Variants in ATG5 observed in about 807,000 individuals in gnomAD.
ATG5 encodes the protein autophagy related 5, also known as autophagy protein 5.
A neutral mutation model predicts 36.5 loss-of-function variants in ATG5; 14 were observed. The observed-to-expected ratio is 0.38, with a 90% confidence interval of 0.25 to 0.60. The LOEUF (loss-of-function observed/expected upper bound fraction) is 0.60. Among genes scored for constraint, ATG5 ranks in the 20% least tolerant of loss-of-function variants. ATG5 has a pLI of 0.60. For synonymous variants in ATG5, 95 were observed against 101.5 expected, an observed-to-expected ratio of 0.94 and a Z score of 0.38; for missense variants, 195 against 326.7, an observed-to-expected ratio of 0.60 and a Z score of 3.11.
intron 6 of ATG5, among the ~76,000 whole-genome samples, chr6:106,246,384 TCTCTCTCTCACACA>T (rs1778335302): frequency 1.0e-5 from 1 of 96,904 alleles, no homozygotes; most frequent in Admixed American, 1.3e-4. Flanking sequence ...TCTCTCTCTC[TCTCTCTCTCACACA>T]CACACACACA....
At chr6:106,229,547 A>T (rs981990200) in intron 6 of ATG5, among the ~76,000 whole-genome samples, 1 of 150,800 alleles carries the variant, frequency 6.6e-6, no homozygotes, top group Non-Finnish European at 1.5e-5. Flanking sequence ...AGAAAGACAA[A>T]GATAGAAATA....
intron 4 of ATG5, among the ~76,000 whole-genome samples, chr6:106,288,145 A>G (rs529022100): frequency 1.3e-4 from 19 of 151,758 alleles, no homozygotes; most frequent in African/African-American, 4.1e-4. Context: ...TAATTTTTGT[A>G]TTTTTAGTAG....
intron 2 of ATG5, among the ~76,000 whole-genome samples, chr6:106,313,570 T>C (rs1265177127): frequency 6.6e-6 from 1 of 152,104 alleles, no homozygotes. Flanking sequence ...AAAATACAAA[T>C]TGAAAAGTTA....
intron 5 of ATG5, among the ~76,000 whole-genome samples, chr6:106,271,228 C>G (rs1286073125): frequency 6.6e-6 from 1 of 152,220 alleles, no homozygotes; most frequent in Non-Finnish European, 1.5e-5. Context: ...ACATGCTTAT[C>G]TTCTTTTGAC....
At chr6:106,267,697 C>A (rs756123249) in intron 5 of ATG5, among the ~76,000 whole-genome samples, 10 of 152,172 alleles carry the variant, frequency 6.6e-5, no homozygotes, top group Non-Finnish European at 1.5e-4. Flanking sequence ...AAATCTACAA[C>A]CATCTGATCT....
intron 6 of ATG5, among the ~76,000 whole-genome samples, chr6:106,215,762 T>G (rs1228216243): frequency 6.6e-6 from 1 of 152,122 alleles, no homozygotes; most frequent in East Asian, 1.9e-4. Context: ...ACAGACAAAC[T>G]GGACTTCATC....
intron 5 of ATG5, among the ~76,000 whole-genome samples, chr6:106,267,570 T>C (rs74525730): frequency 0.11 from 17,449 of 152,172 alleles, 1,093 homozygotes; most frequent in African/African-American, 0.16. Context: ...GGAGGCATCA[T>C]GCTACCTGAC....
intron 5 of ATG5, among the ~76,000 whole-genome samples, chr6:106,266,433 C>A (rs2114566561): frequency 6.6e-6 from 1 of 152,220 alleles, no homozygotes; most frequent in Admixed American, 6.5e-5. Flanking sequence ...GGAACTGGTA[C>A]CACCATTCCT....
At chr6:106,241,641 T>C (rs1778127293) in intron 6 of ATG5, among the ~76,000 whole-genome samples, 1 of 152,202 alleles carries the variant, frequency 6.6e-6, no homozygotes, top group African/African-American at 2.4e-5. Context: ...AACATTTAAA[T>C]TGGTGGATTC....
At chr6:106,233,318 G>C (rs1777761310) in intron 6 of ATG5, among the ~76,000 whole-genome samples, 1 of 152,160 alleles carries the variant, frequency 6.6e-6, no homozygotes, top group Non-Finnish European at 1.5e-5. Context: ...TCCCAGGTAC[G>C]GCGAAATAGC....
At chr6:106,312,444 T>C (rs746331136) in intron 2 of ATG5, among the ~76,000 whole-genome samples, 16 of 151,596 alleles carry the variant, frequency 1.1e-4, no homozygotes, top group Non-Finnish European at 5.9e-5. Flanking sequence ...GACAAATATA[T>C]AGGTTTGGAG....
At chr6:106,195,930 G>A (rs1213078715) in intron 7 of ATG5, among the ~76,000 whole-genome samples, 1 of 151,760 alleles carries the variant, frequency 6.6e-6, no homozygotes, top group Non-Finnish European at 1.5e-5. Flanking sequence ...TAAAAGAACA[G>A]CTTCACAAAT....
intron 6 of ATG5, among the ~76,000 whole-genome samples, chr6:106,217,866 C>G (rs1003554236): frequency 1.3e-5 from 2 of 151,942 alleles, no homozygotes; most frequent in South Asian, 4.2e-4. Context: ...TGATACATCC[C>G]AACAGTATTT....
chr6:106,220,030 T>C (rs554961138), intron 6 of ATG5, among the ~76,000 whole-genome samples: 1 of 152,096 alleles, frequency 6.6e-6, no homozygotes, highest in African/African-American at 2.4e-5. Flanking sequence ...AGCCTTTTTT[T>C]AAAAAGCTAA....
chr6:106,231,263 A>G (rs1352079857), intron 6 of ATG5, among the ~76,000 whole-genome samples: 3 of 152,214 alleles, frequency 2.0e-5, no homozygotes, highest in Admixed American at 2.0e-4. Flanking sequence ...CAATCCTTTG[A>G]TCTGATATGG....
intron 1 of ATG5, among the ~76,000 whole-genome samples, chr6:106,324,226 C>A (rs1373785420): frequency 6.6e-6 from 1 of 152,170 alleles, no homozygotes; most frequent in Non-Finnish European, 1.5e-5. Context: ...CATGTATAGA[C>A]TCTTTTTTGT....
chr6:106,297,844 G>GGGCTC (rs1770028181), intron 3 of ATG5, among the ~76,000 whole-genome samples: 3 of 151,808 alleles, frequency 2.0e-5, no homozygotes, highest in Non-Finnish European at 4.4e-5. Context: ...GCTGAGGCAG[G>GGGCTC]TGGATTGCTT....
At chr6:106,265,984 A>T (rs181478595) in intron 5 of ATG5, among the ~76,000 whole-genome samples, 23 of 152,220 alleles carry the variant, frequency 1.5e-4, no homozygotes, top group African/African-American at 5.3e-4. Context: ...CAAGACAAGA[A>T]TAATTAAGAT....
At chr6:106,303,786 C>T (rs751826477) in intron 3 of ATG5, among the ~76,000 whole-genome samples, 7 of 151,904 alleles carry the variant, frequency 4.6e-5, no homozygotes, top group Non-Finnish European at 8.8e-5. Flanking sequence ...ATTATAGCAA[C>T]CAGCTAAGGA....
Sources: allele counts gnomAD v4.1 joint callset (sites outside exome capture counted in the v4.1 genomes callset), GRCh38; gene constraint gnomAD v4.1.1; transcripts MANE v1.5; gene names NCBI Gene and HGNC (gene_info 2026-07-23, HGNC 2026-07-21).